The following OPCML variants were observed in gnomAD, a reference collection of about 807,000 sequenced individuals.
The protein encoded by OPCML is opioid binding protein/cell adhesion molecule like.
A neutral mutation model predicts 37.8 loss-of-function variants in OPCML; 13 were observed. The ratio of observed to expected loss-of-function variants is 0.34; its 90% CI spans 0.22 to 0.55. The LOEUF (loss-of-function observed/expected upper bound fraction) is 0.55, where lower values mean the gene tolerates loss of function less well. Ranked by LOEUF, OPCML falls within the 20% of genes least tolerant of loss-of-function variation. The pLI is 0.91. For missense variants in OPCML, 341 were observed against 435.6 expected (o/e 0.78, Z 1.93); for synonymous variants, 176 against 168.8 (o/e 1.04, Z -0.33).
At chr11:133,249,126 A>G (rs1403872653) in intron 1 of OPCML, among the ~76,000 whole-genome samples, 2 of 152,184 alleles carry the variant, frequency 1.3e-5, no homozygotes, top group African/African-American at 4.8e-5. Context: ...CTATAAAGGA[A>G]TACCTGAGAC....
intron 2 of OPCML, among the ~76,000 whole-genome samples, chr11:132,845,199 C>T (rs1941470935): frequency 6.6e-6 from 1 of 151,386 alleles, no homozygotes; most frequent in Non-Finnish European, 1.5e-5. Context: ...ATCAGTGCCT[C>T]ATACCCAGGG....
rs116630935 is a variant in OPCML, at chr11:133,237,907, C to T, written c.61+294357G>A. On this transcript the variant is annotated intron_variant, in intron 1 of 7. Transcript: ENST00000524381. ...CAGGGCCCTGAAATACAAGCTCATC[C>T]TATTCATATGATAATAGCTACTCTT... 2.0e-3 allele frequency among the ~76,000 whole-genome samples: 308 copies of T among 152,342 alleles called. 1 individual carries two copies. Among genetic ancestry groups the T allele is most frequent in the African/African-American group, 7.1e-3 (295 of 41,580 alleles).
intron 1 of OPCML, among the ~76,000 whole-genome samples, chr11:133,341,241 ATGAAAAAAGGTCT>A (rs1943863322): frequency 6.6e-6 from 1 of 152,228 alleles, no homozygotes; most frequent in Non-Finnish European, 1.5e-5. Context: ...TGAACAAAAA[ATGAAAAAAGGTCT>A]TGATCTAATT....
intron 1 of OPCML, among the ~76,000 whole-genome samples, chr11:133,201,320 C>T (rs1938778860): frequency 1.8e-5 from 2 of 110,988 alleles, no homozygotes; most frequent in Non-Finnish European, 3.8e-5. Context: ...TTTTTTTTTA[C>T]CATTGAATTG....
intron 4 of OPCML, among the ~76,000 whole-genome samples, chr11:132,505,488 C>A (rs2096254766): frequency 6.7e-6 from 1 of 148,862 alleles, no homozygotes; most frequent in African/African-American, 2.4e-5. Context: ...CAGAAAAGTA[C>A]AGCCTTCAGG....
At chr11:133,339,121 G>A (rs918386097) in intron 1 of OPCML, among the ~76,000 whole-genome samples, 6 of 151,962 alleles carry the variant, frequency 3.9e-5, no homozygotes, top group Non-Finnish European at 7.4e-5. Flanking sequence ...AACTCTACTC[G>A]ATTATCTGTT....
chr11:132,876,039 T>C (rs1248547560), intron 2 of OPCML, among the ~76,000 whole-genome samples: 1 of 152,208 alleles, frequency 6.6e-6, no homozygotes, highest in Non-Finnish European at 1.5e-5. Flanking sequence ...CTTTGCATAA[T>C]ATTCTGTCAA....
chr11:132,975,984 A>T (rs1056974168), intron 1 of OPCML, among the ~76,000 whole-genome samples: 2 of 152,032 alleles, frequency 1.3e-5, no homozygotes, highest in South Asian at 4.1e-4. Context: ...GTTAGCCAGG[A>T]TGGTCTCGAT....
intron 2 of OPCML, among the ~76,000 whole-genome samples, chr11:132,826,369 T>C (rs1424564185): frequency 6.6e-6 from 1 of 152,256 alleles, no homozygotes; most frequent in African/African-American, 2.4e-5. Flanking sequence ...AAGGGTTTCT[T>C]ATCTTCTGAA....
intron 1 of OPCML, among the ~76,000 whole-genome samples, chr11:133,274,204 C>T (rs1420652718): frequency 6.6e-6 from 1 of 152,138 alleles, no homozygotes; most frequent in African/African-American, 2.4e-5. Flanking sequence ...GAATTGTGTC[C>T]TCTCATCCTC....
chr11:133,162,155 G>A (rs1950151734), intron 1 of OPCML, among the ~76,000 whole-genome samples: 1 of 152,182 alleles, frequency 6.6e-6, no homozygotes, highest in African/African-American at 2.4e-5. Context: ...GCAGGGGTAA[G>A]GGAAAGTGCA....
At chr11:133,083,020 C>G (rs1591985557) in intron 1 of OPCML, among the ~76,000 whole-genome samples, 4 of 151,100 alleles carry the variant, frequency 2.6e-5, no homozygotes, top group African/African-American at 9.7e-5. Flanking sequence ...CCGCGGCGGA[C>G]GCCCCAGCCG....
chr11:133,128,079 C>T (rs1167713295), intron 1 of OPCML, among the ~76,000 whole-genome samples: 1 of 152,140 alleles, frequency 6.6e-6, no homozygotes, highest in Admixed American at 6.5e-5. Flanking sequence ...CTTCAGCTCC[C>T]CTCCTTGCTG....
rs75858360 is a variant in OPCML at position 133,222,439 on chromosome 11, C to T, written c.62-279429G>A. Among the ~76,000 whole-genome samples the T allele has an allele frequency of 1.9e-3, 284 of 152,288 alleles. 13 individuals are homozygous for T. In the East Asian group the frequency reaches 0.05, roughly 27 times the overall value. On this transcript the variant is annotated intron_variant, in intron 1 of 7. Coordinates refer to ENST00000524381, the MANE Select transcript of OPCML (RefSeq NM_001012393.5). ...CAGGACGAGCTGAGGAAGGGGATGA[C>T]ACATGCTGTTCCTGTGGCCGCTCCT...
chr11:132,665,222 T>C (rs1010576576), intron 2 of OPCML, among the ~76,000 whole-genome samples: 1 of 152,170 alleles, frequency 6.6e-6, no homozygotes, highest in Non-Finnish European at 1.5e-5. Context: ...GGTTGCAGGC[T>C]TTCCTGAAAA....
At chr11:132,488,635 G>C (rs544723796) in intron 4 of OPCML, among the ~76,000 whole-genome samples, 1 of 152,252 alleles carries the variant, frequency 6.6e-6, no homozygotes, top group South Asian at 2.1e-4. Context: ...TCCACACATA[G>C]GCTACACTAA....
chr11:133,455,779 T>A (rs1247838925), intron 1 of OPCML, among the ~76,000 whole-genome samples: 3 of 152,342 alleles, frequency 2.0e-5, no homozygotes, highest in African/African-American at 7.2e-5. Context: ...TGACTTTATA[T>A]GAGCTCTGAA....
At chr11:132,912,893 A>C (rs1438928306) in intron 2 of OPCML, among the ~76,000 whole-genome samples, 2 of 152,348 alleles carry the variant, frequency 1.3e-5, no homozygotes, top group Middle Eastern at 3.4e-3. Flanking sequence ...ACAACTTAGC[A>C]AATTAACAGG....
At chr11:132,683,941 C>A (rs868402945) in intron 2 of OPCML, among the ~76,000 whole-genome samples, 1 of 152,122 alleles carries the variant, frequency 6.6e-6, no homozygotes, top group African/African-American at 2.4e-5. Flanking sequence ...ACAGGTACGT[C>A]ATAATTTTGC....
Sources: allele counts gnomAD v4.1 joint callset (sites outside exome capture counted in the v4.1 genomes callset), GRCh38; gene constraint gnomAD v4.1.1; transcripts MANE v1.5; gene names NCBI Gene and HGNC (gene_info 2026-07-23, HGNC 2026-07-21).